NUP214: variants seen among roughly 807,000 people sequenced by gnomAD.
The protein encoded by NUP214 is nuclear pore complex protein Nup214.
A neutral mutation model predicts 196.2 loss-of-function variants in NUP214; 79 were observed. The ratio of observed to expected loss-of-function variants is 0.40; its 90% confidence interval spans 0.34 to 0.49. The LOEUF is 0.49. Ranked by LOEUF, NUP214 falls within the 20% of genes least tolerant of loss-of-function variation. The pLI, the probability that NUP214 is intolerant of heterozygous loss-of-function variation, is 0.58. For missense variants in NUP214, 2,468 were observed against 2,539.0 expected (o/e 0.97, Z 0.60); for synonymous variants, 1,020 against 990.5 (o/e 1.03, Z -0.56).
intron 4 of NUP214, among the ~76,000 whole-genome samples, chr9:131,130,086 G>A (rs564853037): frequency 1.3e-5 from 2 of 151,142 alleles, no homozygotes; most frequent in South Asian, 2.1e-4. Flanking sequence ...ACCTTTGGGC[G>A]GAAAAGCATT....
intron 30 of NUP214, among the ~76,000 whole-genome samples, chr9:131,214,893 T>C (rs568466580): frequency 1.3e-5 from 2 of 152,294 alleles, no homozygotes; most frequent in South Asian, 4.2e-4. Flanking sequence ...GGATCTCTTG[T>C]GGGGTTGGTT....
intron 30 of NUP214, among the ~76,000 whole-genome samples, chr9:131,206,039 A>G (rs1026308423): frequency 6.6e-6 from 1 of 152,008 alleles, no homozygotes; most frequent in Non-Finnish European, 1.5e-5. Context: ...AAGTGTATTC[A>G]TAGCAACATT....
chr9:131,130,137 G>GTTTTGTT (rs1564176236), intron 4 of NUP214, among the ~76,000 whole-genome samples: 6 of 76,894 alleles, frequency 7.8e-5, no homozygotes, highest in Admixed American at 2.1e-4. Flanking sequence ...TTCTGGTTTT[G>GTTTTGTT]TTTTTTTTTT....
In NUP214 at chr9:131,125,699, G is replaced by A. The variant is rs1242485306; in HGVS notation, c.-6G>A. 1.3e-6 allele frequency: 2 copies of A among 1,550,976 alleles called. No individual in the cohort carries two copies. Among genetic ancestry groups the A allele is most frequent in the African/African-American group, 1.4e-5 (1 of 73,008 alleles). On this transcript the variant is annotated 5_prime_UTR_variant, in exon 1 of 36. Transcript: ENST00000359428. This position sits in a 1 kb window ranked among gnomAD's most constrained non-coding sequence, Gnocchi z 4.1. Reference sequence around the variant, plus strand: ...TTGGCTGCTTCGACACACTGAGGGCGGCGCGATGGGAGACGAGATGGATGC... The same window carrying A: ...TTGGCTGCTTCGACACACTGAGGGCAGCGCGATGGGAGACGAGATGGATGC...
intron 29 of NUP214, among the ~76,000 whole-genome samples, chr9:131,199,965 C>T (rs963544730): frequency 6.6e-6 from 1 of 152,146 alleles, no homozygotes; most frequent in Admixed American, 6.5e-5. Flanking sequence ...ACCCAATGCC[C>T]TGTGAAGAGG....
intron 21 of NUP214, among the ~76,000 whole-genome samples, chr9:131,173,348 AC>A (rs1425554233): frequency 2.5e-5 from 3 of 120,118 alleles, no homozygotes; most frequent in Middle Eastern, 5.6e-3. Flanking sequence ...GAGCCACTGC[AC>A]CCAGCCTTTT....
At chr9:131,132,785 T>C in intron 6 of NUP214, 126 bp downstream of exon 6, 1 of 812,602 alleles carries the variant, frequency 1.2e-6, no homozygotes. Flanking sequence ...AATGTCACTA[T>C]TTCAAACAGC....
At chr9:131,169,523 A>G (rs1832894566) in intron 21 of NUP214, among the ~76,000 whole-genome samples, 2 of 152,242 alleles carry the variant, frequency 1.3e-5, no homozygotes, top group Admixed American at 6.5e-5. Flanking sequence ...AGTAACATTT[A>G]AAATTTAGTT....
At position 131,165,806 on chromosome 9, in the gene NUP214, CAT is replaced by C. The variant is rs770726340; in HGVS notation, c.2893+1663_2893+1664del. The stretch of plus-strand genomic sequence containing the variant: ...AGTCTTTAAAAAGGAATTTTTGACA[CAT>C]GTTACAATATAAGTGAACCTTGAGG... On this transcript the variant is annotated intron_variant, in intron 21 of 35. Coordinates refer to ENST00000359428, the MANE Select transcript of NUP214 (RefSeq NM_005085.4). Among the ~76,000 whole-genome samples the C allele has an allele frequency of 7.2e-5, 11 of 152,182 alleles. No homozygotes were observed. The South Asian group carries it at 8.3e-4, about 11-fold the overall frequency.
chr9:131,221,970 A>G (rs1257221913), intron 31 of NUP214, among the ~76,000 whole-genome samples: 1 of 152,006 alleles, frequency 6.6e-6, no homozygotes, highest in Non-Finnish European at 1.5e-5. Flanking sequence ...CATTTCTTGT[A>G]ACAGGTGAAA....
intron 21 of NUP214, chr9:131,167,370 A>G (rs918443415): frequency 6.6e-6 from 1 of 151,992 alleles, no homozygotes; most frequent in East Asian, 1.9e-4. Context: ...AATATGCTGT[A>G]TTTGTTTATT....
chr9:131,188,562 G>A (rs184876223), intron 25 of NUP214, among the ~76,000 whole-genome samples: 41 of 152,316 alleles, frequency 2.7e-4, no homozygotes, highest in Non-Finnish European at 2.9e-5. Flanking sequence ...TTTAGCATTC[G>A]ATCTTTCTTC....
At chr9:131,160,458 T>TA (rs1325525928) in intron 18 of NUP214, among the ~76,000 whole-genome samples, 3 of 152,236 alleles carry the variant, frequency 2.0e-5, no homozygotes, top group African/African-American at 7.2e-5. Flanking sequence ...CATAGTTTTT[T>TA]ATCCCTAGAT....
At chr9:131,220,310 A>G (rs752884169) in intron 31 of NUP214, among the ~76,000 whole-genome samples, 2 of 152,248 alleles carry the variant, frequency 1.3e-5, no homozygotes, top group Non-Finnish European at 2.9e-5. Context: ...TTTTGGAACC[A>G]TTAGGAGAAA....
intron 32 of NUP214, 25 bp from the exon 33 acceptor site, chr9:131,228,135 G>A: frequency 3.3e-6 from 5 of 1,528,464 alleles, no homozygotes; most frequent in Non-Finnish European, 4.4e-6. Context: ...CCCTATTTCT[G>A]TTTGTTTGCC....
In NUP214 at chr9:131,177,218, C is replaced by T. The variant is rs566609841; in HGVS notation, c.3320-1093C>T. On this transcript the variant is annotated intron_variant, in intron 23 of 35. Transcript: ENST00000359428. ...TAAAGAAAAATTCAAATATTAAAAC[C>T]TTTATTAAGACATCTAACATATATA... Among the ~76,000 whole-genome samples the T allele has an allele frequency of 2.9e-4, 44 of 152,042 alleles. No individual in the cohort carries two copies. In the South Asian group the frequency reaches 8.7e-3, roughly 30 times the overall value.
Position 131,146,594 on chromosome 9 carries a change from A to G in NUP214, c.1945+290A>G, listed in dbSNP as rs1193609964. Among the ~76,000 whole-genome samples, 4 of 152,186 alleles carry G rather than the reference A, an allele frequency of 2.6e-5. No individual in the cohort carries two copies. The East Asian group carries it at 7.7e-4, about 29-fold the overall frequency. On this transcript the variant is annotated intron_variant, in intron 13 of 35. Transcript: ENST00000359428. The surrounding 1 kb of genome is among the most constrained non-coding windows in gnomAD (Gnocchi z 4.6). ...TATTTTCATATGGAGCCTGCCCTCCATGAAGAGCAGTTACATAACAGTTCT... is the reference window on the plus strand; with the variant it reads ...TATTTTCATATGGAGCCTGCCCTCCGTGAAGAGCAGTTACATAACAGTTCT...
At chr9:131,137,887 A>G (rs353542) in intron 9 of NUP214, among the ~76,000 whole-genome samples, 101,435 of 151,968 alleles carry the variant, frequency 0.67, 34,729 homozygotes, top group Admixed American at 0.77. Flanking sequence ...TGTGAGAGGA[A>G]TGTCTTAGCA....
At chr9:131,208,095 A>T (rs948166895) in intron 30 of NUP214, among the ~76,000 whole-genome samples, 2 of 152,232 alleles carry the variant, frequency 1.3e-5, no homozygotes, top group African/African-American at 2.4e-5. Context: ...TAGCAATGAT[A>T]CAAAGAAATT....
Sources: gnomAD v4.1 joint callset for allele counts (sites outside exome capture counted in the v4.1 genomes callset) on GRCh38, gnomAD v4.1.1 for gene constraint, Gnocchi (gnomAD v3.1) non-coding constraint, MANE v1.5 for transcripts, NCBI Gene and HGNC (gene_info 2026-07-23, HGNC 2026-07-21) for gene names.